The following MSI2 variants were observed in gnomAD, a reference collection of about 807,000 sequenced individuals.
The protein encoded by MSI2 is RNA-binding protein Musashi homolog 2.
In MSI2, 17 loss-of-function variants were observed where a neutral mutation model predicts 45.6. The observed-to-expected ratio is 0.37, with a 90% CI of 0.26 to 0.56. The LOEUF is 0.56. MSI2 is among the 20% of genes least tolerant of loss of function. The probability of loss-of-function intolerance (pLI) is 0.77; values close to 1 mark genes in which losing one functional copy is unlikely to be tolerated. For synonymous variants in MSI2, 156 were observed against 158.2 expected (o/e 0.99, Z 0.11); for missense variants, 293 against 444.2 (o/e 0.66, Z 3.06).
chr17:57,455,581 C>A (rs2085098360), intron 6 of MSI2, among the ~76,000 whole-genome samples: 1 of 152,128 alleles, frequency 6.6e-6, no homozygotes, highest in Non-Finnish European at 1.5e-5. Context: ...CTCCTCATGC[C>A]CCCTGAGTGG....
intron 5 of MSI2, among the ~76,000 whole-genome samples, chr17:57,335,669 A>G (rs894680398): frequency 1.3e-5 from 2 of 152,226 alleles, no homozygotes; most frequent in African/African-American, 4.8e-5. Flanking sequence ...ATAGTAGTCA[A>G]TTAGCGATAA....
rs759797501 is a variant in MSI2 at position 57,257,008 on chromosome 17, C to T, written c.63-90C>T. ...CTCCCGGCTCTCGCTCGCTCGCTCC[C>T]CCCCGCTTTCCTTTTAGCTTTTGTA... On this transcript the variant is annotated intron_variant, in intron 1 of 13. Transcript: ENST00000284073. The T allele has an allele frequency of 3.7e-6, 6 of 1,602,898 alleles. No individual in the cohort carries two copies. The East Asian group carries it at 9.2e-5, about 25-fold the overall frequency.
chr17:57,361,606 C>CAA lies in MSI2; in HGVS notation c.313-39757_313-39756dup, dbSNP rs34432170. The stretch of plus-strand genomic sequence containing the variant: ...TGGGTGACAGAGCAAGACCTTGTCT[C>CAA]AAAAAAAAAAAAAAAAAGGAAAATC... On this transcript the variant is annotated intron_variant, in intron 5 of 13. Coordinates refer to ENST00000284073, the MANE Select transcript of MSI2 (RefSeq NM_138962.4). Among the ~76,000 whole-genome samples, 66 of 71,784 alleles carry CAA rather than the reference C, an allele frequency of 9.2e-4. 2 individuals carry two copies. The East Asian group carries it at 0.015, about 17-fold the overall frequency. 47.1% of individuals were successfully genotyped at this position (71,784 alleles called of 152,430 possible).
chr17:57,421,296 A>G (rs1034653163), intron 6 of MSI2, among the ~76,000 whole-genome samples: 6 of 152,128 alleles, frequency 3.9e-5, no homozygotes, highest in African/African-American at 1.4e-4. Context: ...TGACACTGAG[A>G]GGTCATGTGA....
At chr17:57,646,571 A>G (rs1369178893) in intron 10 of MSI2, among the ~76,000 whole-genome samples, 1 of 152,210 alleles carries the variant, frequency 6.6e-6, no homozygotes, top group Non-Finnish European at 1.5e-5. Flanking sequence ...AACAGAGAAA[A>G]GTTACACAGG....
chr17:57,332,162 A>T (rs1362022495), intron 5 of MSI2, among the ~76,000 whole-genome samples: 3 of 148,094 alleles, frequency 2.0e-5, no homozygotes, highest in African/African-American at 7.5e-5. Context: ...GTGCAGTGGC[A>T]TGATCTTGGC....
intron 6 of MSI2, among the ~76,000 whole-genome samples, chr17:57,527,465 GGC>G (rs2086727627): frequency 7.2e-5 from 1 of 13,898 alleles, no homozygotes; most frequent in Non-Finnish European, 1.4e-4. Flanking sequence ...GGTTACCGTC[GGC>G]GGGGGCTCTT....
chr17:57,578,090 G>A lies in MSI2; in HGVS notation c.455-18778G>A, dbSNP rs534103649. 3.9e-5 allele frequency among the ~76,000 whole-genome samples: 6 copies of A among 152,286 alleles called. No individual in the cohort carries two copies. The South Asian group carries it at 1.2e-3, about 32-fold the overall frequency. On this transcript the variant is annotated intron_variant, in intron 7 of 13. Transcript: ENST00000284073. ...TCTGTCTGCCGCTGAGCTGTGGGCC[G>A]TTCTTCTTGCCTCCTCCGCCCCTGC...
At chr17:57,392,116 C>G (rs2083805195) in intron 5 of MSI2, among the ~76,000 whole-genome samples, 1 of 152,216 alleles carries the variant, frequency 6.6e-6, no homozygotes. Flanking sequence ...GCGCTTGATG[C>G]AGGGATCATG....
intron 7 of MSI2, among the ~76,000 whole-genome samples, chr17:57,566,930 A>G (rs960661956): frequency 2.6e-5 from 4 of 152,180 alleles, no homozygotes; most frequent in African/African-American, 7.2e-5. Flanking sequence ...TAGAAGGGGC[A>G]TGTTCAAACC....
intron 6 of MSI2, among the ~76,000 whole-genome samples, chr17:57,510,046 G>C (rs2086317593): frequency 6.6e-6 from 1 of 152,020 alleles, no homozygotes; most frequent in Admixed American, 6.5e-5. Context: ...CATGTGTGCT[G>C]GGCCTGCCAC....
At chr17:57,490,081 C>G (rs1222055607) in intron 6 of MSI2, among the ~76,000 whole-genome samples, 2 of 152,064 alleles carry the variant, frequency 1.3e-5, no homozygotes, top group Non-Finnish European at 2.9e-5. Flanking sequence ...GACTGTGGCT[C>G]TCTCCCAGGG....
the MSI2 span, among the ~76,000 whole-genome samples, chr17:57,693,678 T>C: frequency 6.6e-6 from 1 of 152,260 alleles, no homozygotes; most frequent in Non-Finnish European, 1.5e-5. Context: ...TCCTATGTGA[T>C]GGCTTCAACA....
At chr17:57,497,830 G>T (rs4793856) in intron 6 of MSI2, among the ~76,000 whole-genome samples, 138,095 of 151,864 alleles carry the variant, frequency 0.91, 62,926 homozygotes, top group African/African-American at 0.97. Flanking sequence ...TGATGACAGC[G>T]TCAGCCCTGG....
intron 6 of MSI2, among the ~76,000 whole-genome samples, chr17:57,510,928 G>A (rs903259704): frequency 3.9e-5 from 6 of 152,290 alleles, no homozygotes; most frequent in East Asian, 1.9e-4. Flanking sequence ...TCTCTGCCTC[G>A]CTGTATCCCG....
At chr17:57,379,876 C>G (rs1963871563) in intron 5 of MSI2, among the ~76,000 whole-genome samples, 1 of 152,182 alleles carries the variant, frequency 6.6e-6, no homozygotes, top group Admixed American at 6.5e-5. Context: ...GACTCCCCAC[C>G]CCTCCCAACT....
At chr17:57,349,249 C>T (rs535799178) in intron 5 of MSI2, among the ~76,000 whole-genome samples, 7 of 152,196 alleles carry the variant, frequency 4.6e-5, no homozygotes, top group Admixed American at 6.5e-5. Flanking sequence ...CACTGCTGCC[C>T]GACTCCTGAC....
intron 6 of MSI2, among the ~76,000 whole-genome samples, chr17:57,402,929 A>G (rs1224279039): frequency 6.6e-6 from 1 of 152,168 alleles, no homozygotes; most frequent in Non-Finnish European, 1.5e-5. Context: ...TTCCAGACTG[A>G]TGTAAAGCAG....
downstream of MSI2, among the ~76,000 whole-genome samples, chr17:57,687,776 A>G (rs1205991217): frequency 3.9e-5 from 6 of 152,212 alleles, no homozygotes; most frequent in East Asian, 3.9e-4. Flanking sequence ...AACAAAAAAT[A>G]TATCTACAGA....
Sources: gnomAD v4.1 joint callset for allele counts (sites outside exome capture counted in the v4.1 genomes callset) on GRCh38, gnomAD v4.1.1 for gene constraint, MANE v1.5 for transcripts, NCBI Gene and HGNC (gene_info 2026-07-23, HGNC 2026-07-21) for gene names.